The following LCT variants were observed in gnomAD, a reference collection of about 807,000 sequenced individuals.
The protein encoded by LCT is lactase.
In LCT, 90 loss-of-function variants were observed where a neutral mutation model predicts 173.0. The ratio of observed to expected loss-of-function variants is 0.52; its 90% CI spans 0.44 to 0.62. The LOEUF (loss-of-function observed/expected upper bound fraction) is 0.62. Ranked by LOEUF, LCT falls within the 20% of genes least tolerant of loss-of-function variation. The pLI is 0.00. For missense variants in LCT, 1,864 were observed against 2,431.4 expected (o/e 0.77, Z 4.91); for synonymous variants, 853 against 957.6 (o/e 0.89, Z 2.02).
chr2:135,819,388 T>C (rs2077809272), intron 5 of LCT, among the ~76,000 whole-genome samples: 1 of 152,068 alleles, frequency 6.6e-6, no homozygotes. Flanking sequence ...TGCTGCAAAT[T>C]ACAGCCAGCA....
intron 12 of LCT, among the ~76,000 whole-genome samples, chr2:135,800,263 C>A (rs1465964505): frequency 1.3e-5 from 2 of 152,132 alleles, no homozygotes; most frequent in Non-Finnish European, 2.9e-5. Flanking sequence ...TGGGGGTGGT[C>A]TCCCTCTGTC....
Position 135,809,778 on chromosome 2 carries a change from G to A in LCT, c.2569C>T (p.Pro857Ser). The change falls in exon 8 of 17, where the codon CCA becomes TCA. Residue 857 changes from proline to serine, a missense_variant. This residue lies in a region of LCT where 755 missense variants were observed against 926.3 expected (regional missense o/e 0.82). Coordinates refer to ENST00000264162, the MANE Select transcript of LCT (RefSeq NM_002299.4). The surrounding 1 kb of genome is among the most constrained non-coding windows in gnomAD (Gnocchi z 5.5). The stretch of plus-strand genomic sequence containing the variant: ...GAGGGGAGGTTTACTGTATTAGGTG[G>A]TAGCAGTCTTTTTGCCCCCTTGGTG... ...FLTKGAKRLL[P>S]PNTVNLPSKV... 2 of 1,614,154 alleles carry A rather than the reference G, an allele frequency of 1.2e-6. No individual in the cohort carries two copies. The highest frequency in any genetic ancestry group is 1.7e-6 in the Non-Finnish European group (2 of 1,179,980).
Position 135,808,602 on chromosome 2 carries a change from C to T in LCT, c.3745G>A (p.Ala1249Thr). The change falls in exon 8 of 17, where the codon GCG becomes ACG. Residue 1249 changes from alanine (A) to threonine (T), a missense_variant. Transcript: ENST00000264162. ...AGCAGCCTTCGCGTCCCCCAGGGCG[C>T]AGCTCTGTTCATTGCCGTGGAAGGC... ...SWPSTAMNRA[A>T]PWGTRRLLNW... 1.2e-6 allele frequency: 2 copies of T among 1,614,256 alleles called. No individual in the cohort carries two copies. Among genetic ancestry groups the T allele is most frequent in the East Asian group, 4.5e-5 (2 of 44,882 alleles).
In LCT at chr2:135,817,608, C is replaced by T; in HGVS notation, c.1440G>A (p.Leu480=). 1 of 1,614,126 alleles carries T rather than the reference C, an allele frequency of 6.2e-7. No homozygotes were observed. Among genetic ancestry groups the T allele is most frequent in the East Asian group, 2.2e-5 (1 of 44,874 alleles). Reference sequence around the variant, plus strand: ...TGCCCGCATCCTGTAGCCTGTCAATCAGCTTGTTGTAGTAGGCAACGCCTG... The same window carrying T: ...TGCCCGCATCCTGTAGCCTGTCAATTAGCTTGTTGTAGTAGGCAACGCCTG... ...SLPGVAYYNK[L]IDRLQDAGIE... The change falls in exon 6 of 17, where the codon CTG becomes CTA. Residue 480 remains leucine (L), a synonymous_variant. Transcript: ENST00000264162.
Position 135,836,920 on chromosome 2 carries a change from T to C in LCT, c.250A>G (p.Ile84Val). 1 of 1,614,150 alleles carries C rather than the reference T, an allele frequency of 6.2e-7. No individual in the cohort carries two copies. Among genetic ancestry groups the C allele is most frequent in the Non-Finnish European group, 8.5e-7 (1 of 1,180,032 alleles). The part of the protein sequence containing the change: ...EYFSSLHASQ[I>V]THYKVFLSWA... ...GACAGAAATACCTTATAATGGGTGATCTGACTGGCATGGAGACTGCTGAAG... is the reference window on the plus strand; with the variant it reads ...GACAGAAATACCTTATAATGGGTGACCTGACTGGCATGGAGACTGCTGAAG... Residue 84 changes from isoleucine to valine, a missense_variant, in exon 1 of 17, where the codon ATC becomes GTC. By Grantham distance (29) the Ile-to-Val change is conservative. Around this residue, in one of 4 missense-constraint regions of LCT, gnomAD observed 412 missense variants for 462.0 expected, o/e 0.89. Coordinates refer to ENST00000264162, the MANE Select transcript of LCT (RefSeq NM_002299.4).
chr2:135,817,311 A>G (rs1425649049), intron 6 of LCT, 30 bp downstream of exon 6: 1 of 1,607,864 alleles, frequency 6.2e-7, no homozygotes, highest in Non-Finnish European at 8.5e-7. Context: ...TTCTCCTCCA[A>G]TTAGTAGGAG....
intron 6 of LCT, among the ~76,000 whole-genome samples, chr2:135,816,000 C>T (rs567850170): frequency 7.9e-5 from 12 of 152,194 alleles, no homozygotes; most frequent in African/African-American, 2.9e-4. Flanking sequence ...CATGCCCGGC[C>T]GGAAATACTC....
rs762768884 is a variant in LCT, at chr2:135,790,627, T to G, written c.5335+31A>C. 1.4e-6 allele frequency: 2 copies of G among 1,400,442 alleles called. No homozygotes were observed. Among genetic ancestry groups the G allele is most frequent in the Non-Finnish European group, 2.0e-6 (2 of 987,026 alleles). The allele number at this position is 1,400,442 out of a possible 1,614,324, so 86.8% of individuals were successfully genotyped here. Reference sequence around the variant, plus strand: ...AGCAGATGTTTCCAACAGGGGAAGGTGCACGCTGGGGAAGGGCGGGCCCGT... The same window carrying G: ...AGCAGATGTTTCCAACAGGGGAAGGGGCACGCTGGGGAAGGGCGGGCCCGT... On this transcript the variant is annotated intron_variant, in intron 15 of 16. Transcript: ENST00000264162. This position sits in a 1 kb window ranked among gnomAD's most constrained non-coding sequence, Gnocchi z 4.1.
At chr2:135,817,146 C>T (rs1245621004) in intron 6 of LCT, among the ~76,000 whole-genome samples, 195 bp downstream of exon 6, 1 of 152,178 alleles carries the variant, frequency 6.6e-6, no homozygotes, top group African/African-American at 2.4e-5. Context: ...GAAGAGATTA[C>T]TGGCATGAGC....
chr2:135,821,128 G>A (rs915036380), intron 5 of LCT, among the ~76,000 whole-genome samples: 9 of 152,106 alleles, frequency 5.9e-5, no homozygotes, highest in East Asian at 1.9e-4. Flanking sequence ...TGATCCACCC[G>A]CCTCAGCCTC....
At chr2:135,792,617 A>G (rs2077541417) in intron 14 of LCT, among the ~76,000 whole-genome samples, 1 of 152,130 alleles carries the variant, frequency 6.6e-6, no homozygotes, top group Non-Finnish European at 1.5e-5. Context: ...TGTGACTGCC[A>G]GCTTTCCCAA....
At chr2:135,791,611 G>C (rs1196767302) in intron 14 of LCT, among the ~76,000 whole-genome samples, 1 of 152,230 alleles carries the variant, frequency 6.6e-6, no homozygotes, top group Admixed American at 6.5e-5. Context: ...TGACTCAGCT[G>C]AATTGAATGT....
intron 5 of LCT, 44 bp from the exon 6 acceptor site, chr2:135,818,105 G>A (rs530008711): frequency 4.3e-6 from 7 of 1,610,662 alleles, no homozygotes; most frequent in South Asian, 2.2e-5. Context: ...AATGAATGAC[G>A]CTGGCAGTTA....
chr2:135,792,678 G>A (rs892673466), intron 14 of LCT, among the ~76,000 whole-genome samples: 1 of 152,138 alleles, frequency 6.6e-6, no homozygotes, highest in African/African-American at 2.4e-5. Context: ...ATACCCCTGG[G>A]AACAGAACTC....
intron 7 of LCT, 23 bp from the exon 8 acceptor site, chr2:135,810,016 GATTT>G: frequency 1.4e-6 from 2 of 1,467,670 alleles, no homozygotes; most frequent in Non-Finnish European, 1.9e-6. Flanking sequence ...ATAAAAATTA[GATTT>G]ATTTATTTAT....
At chr2:135,818,126 C>G in intron 5 of LCT, 65 bp from the exon 6 acceptor site, 2 of 1,563,672 alleles carry the variant, frequency 1.3e-6, no homozygotes, top group Non-Finnish European at 1.8e-6. Context: ...CAAATGCCCC[C>G]TACGGATGAC....
rs1411893595 is a variant in LCT at position 135,809,986 on chromosome 2, C to T, written c.2361G>A (p.Lys787=). ...AGGAACGAACATCCACAGAGTCTTCCTTGATAGCTGTGAAGAAAAATAAAA... is the reference window on the plus strand; with the variant it reads ...AGGAACGAACATCCACAGAGTCTTCTTTGATAGCTGTGAAGAAAAATAAAA... ...QYINEVLKAI[K]EDSVDVRSYI... The change falls in exon 8 of 17, where the codon AAG becomes AAA. Residue 787 remains lysine, a synonymous_variant. Coordinates refer to ENST00000264162, the MANE Select transcript of LCT (RefSeq NM_002299.4). The surrounding 1 kb of genome is among the most constrained non-coding windows in gnomAD (Gnocchi z 5.5). 6.3e-7 allele frequency: 1 copy of T among 1,599,378 alleles called. No homozygotes were observed. The highest frequency in any genetic ancestry group is 8.6e-7 in the Non-Finnish European group (1 of 1,166,984).
At chr2:135,794,890 T>G (rs1303782843) in intron 13 of LCT, 115 bp from the exon 14 acceptor site, 2 of 1,160,958 alleles carry the variant, frequency 1.7e-6, no homozygotes, top group African/African-American at 3.0e-5. Flanking sequence ...TGGCAGTGAG[T>G]AGGGGAAACT....
At chr2:135,789,503 G>T in intron 16 of LCT, 68 bp downstream of exon 16, 1 of 1,090,438 alleles carries the variant, frequency 9.2e-7, no homozygotes, top group Non-Finnish European at 1.4e-6. Flanking sequence ...GAAGAAAACA[G>T]ACTGAGAGAG....
Sources: gnomAD v4.1 joint callset for allele counts (sites outside exome capture counted in the v4.1 genomes callset) on GRCh38, gnomAD v4.1.1 for gene constraint, gnomAD v4.1.1 regional missense constraint, Gnocchi (gnomAD v3.1) non-coding constraint, MANE v1.5 for transcripts, NCBI Gene and HGNC (gene_info 2026-07-23, HGNC 2026-07-21) for gene names.